EBF2: variants seen among roughly 807,000 people sequenced by gnomAD.
EBF2 encodes transcription factor COE2.
Under a neutral mutation model 72.8 loss-of-function variants are expected in EBF2, and 21 were observed. The observed-to-expected ratio is 0.29, with a 90% CI of 0.20 to 0.42. The LOEUF (loss-of-function observed/expected upper bound fraction) is 0.42. Among genes scored for constraint, EBF2 ranks in the 10% least tolerant of loss-of-function variants. The pLI is 1.00. For synonymous variants in EBF2, 299 were observed against 274.2 expected (o/e 1.09, Z -0.89); for missense variants, 637 against 731.2 (o/e 0.87, Z 1.49).
chr8:26,011,797 C>T (rs911409428), intron 6 of EBF2, among the ~76,000 whole-genome samples: 2 of 152,034 alleles, frequency 1.3e-5, no homozygotes, highest in Admixed American at 1.3e-4. Flanking sequence ...ATAGAATTTA[C>T]TTGAACTTTT....
chr8:25,897,984 A>G (rs1339844012), intron 7 of EBF2, among the ~76,000 whole-genome samples: 1 of 152,134 alleles, frequency 6.6e-6, no homozygotes, highest in African/African-American at 2.4e-5. Flanking sequence ...TCCATCAGTC[A>G]CTGGGTATTT....
chr8:26,002,512 G>T (rs1001943384), intron 6 of EBF2, among the ~76,000 whole-genome samples: 3 of 152,190 alleles, frequency 2.0e-5, no homozygotes, highest in African/African-American at 7.2e-5. Flanking sequence ...AGGGCCCGGG[G>T]CTGAGCACTT....
rs1488076392 is a variant in EBF2, at chr8:26,044,943, G to T, written c.-84C>A. The T allele has an allele frequency of 4.1e-6, 6 of 1,475,686 alleles. No individual in the cohort carries two copies. The highest frequency in any genetic ancestry group is 1.4e-5 in the African/African-American group (1 of 71,618). 91.4% of individuals were successfully genotyped at this position (1,475,686 alleles called of 1,614,324 possible). ...CTGTTCCCAACGTTGCCAGCAAATC[G>T]TCTCCTCCAAAGCAATCCAAGAAAA... On this transcript the variant is annotated 5_prime_UTR_variant, in exon 1 of 16. Coordinates refer to ENST00000520164, the MANE Select transcript of EBF2 (RefSeq NM_022659.4). This position sits in a 1 kb window ranked among gnomAD's most constrained non-coding sequence, Gnocchi z 4.1.
At chr8:25,897,417 T>C (rs1487037281) in intron 7 of EBF2, among the ~76,000 whole-genome samples, 1 of 151,944 alleles carries the variant, frequency 6.6e-6, no homozygotes, top group Non-Finnish European at 1.5e-5. Flanking sequence ...ATTACACGAG[T>C]ATGTTGTGTG....
intron 6 of EBF2, among the ~76,000 whole-genome samples, chr8:26,030,439 G>T (rs191968148): frequency 0.011 from 1,731 of 152,138 alleles, 81 homozygotes; most frequent in Admixed American, 0.071. Context: ...GTGGGGGAAG[G>T]GGGGAGGGAG....
chr8:26,029,309 G>T (rs1805354757), intron 6 of EBF2, among the ~76,000 whole-genome samples: 1 of 152,192 alleles, frequency 6.6e-6, no homozygotes, highest in African/African-American at 2.4e-5. Flanking sequence ...TGGTAACACT[G>T]ATTATCTCAT....
chr8:25,916,605 G>T (rs531327093), intron 6 of EBF2, among the ~76,000 whole-genome samples: 1 of 151,924 alleles, frequency 6.6e-6, no homozygotes, highest in East Asian at 1.9e-4. Flanking sequence ...TACACTGGAA[G>T]AACTTCCCTT....
intron 6 of EBF2, among the ~76,000 whole-genome samples, chr8:26,020,560 G>A (rs1202253157): frequency 6.6e-6 from 1 of 152,202 alleles, no homozygotes; most frequent in Non-Finnish European, 1.5e-5. Flanking sequence ...CACTAGAAAT[G>A]CAGGGCAATG....
chr8:25,955,444 C>G (rs970654296), intron 6 of EBF2, among the ~76,000 whole-genome samples: 3 of 152,050 alleles, frequency 2.0e-5, no homozygotes, highest in Non-Finnish European at 2.9e-5. Flanking sequence ...TTGTGAGACT[C>G]TAAGCATTTT....
chr8:25,984,127 T>G (rs1011579916), intron 6 of EBF2, among the ~76,000 whole-genome samples: 4 of 152,144 alleles, frequency 2.6e-5, no homozygotes. Flanking sequence ...GTGTGTAAAC[T>G]AGAATCCAAA....
chr8:25,869,877 G>A (rs1380200262), intron 10 of EBF2, among the ~76,000 whole-genome samples: 1 of 152,106 alleles, frequency 6.6e-6, no homozygotes, highest in Non-Finnish European at 1.5e-5. Flanking sequence ...CTACAATGTG[G>A]GTTTTATCCC....
intron 6 of EBF2, among the ~76,000 whole-genome samples, chr8:26,002,494 C>A (rs1337408943): frequency 6.6e-6 from 1 of 152,208 alleles, no homozygotes; most frequent in Non-Finnish European, 1.5e-5. Flanking sequence ...AGCGCCAGTT[C>A]TTCGGCAAGG....
At chr8:25,875,669 A>T (rs1401856501) in intron 10 of EBF2, among the ~76,000 whole-genome samples, 1 of 152,182 alleles carries the variant, frequency 6.6e-6, no homozygotes, top group South Asian at 2.1e-4. Flanking sequence ...AAGAGCAAGC[A>T]TTACTATTGT....
At chr8:25,849,022 C>A (rs975548425) in intron 15 of EBF2, among the ~76,000 whole-genome samples, 1 of 152,134 alleles carries the variant, frequency 6.6e-6, no homozygotes, top group African/African-American at 2.4e-5. Context: ...AACCACTGGT[C>A]TTTGATGAAA....
intron 6 of EBF2, among the ~76,000 whole-genome samples, chr8:25,991,712 G>T (rs1293963580): frequency 6.6e-6 from 1 of 152,102 alleles, no homozygotes; most frequent in Non-Finnish European, 1.5e-5. Flanking sequence ...CACGCATGGT[G>T]GCGGGCACCT....
chr8:25,906,171 C>T (rs1015598015), intron 7 of EBF2, among the ~76,000 whole-genome samples: 26 of 152,278 alleles, frequency 1.7e-4, no homozygotes, highest in African/African-American at 6.3e-4. Flanking sequence ...ATGGAAGCCT[C>T]TTCACATTTA....
chr8:26,029,686 G>T (rs1383611817), intron 6 of EBF2, among the ~76,000 whole-genome samples: 1 of 152,300 alleles, frequency 6.6e-6, no homozygotes, highest in African/African-American at 2.4e-5. Context: ...GTGAGAAGGG[G>T]GAGGAGATAA....
chr8:26,036,357 C>T (rs1805500594), intron 5 of EBF2, among the ~76,000 whole-genome samples: 1 of 152,136 alleles, frequency 6.6e-6, no homozygotes, highest in Non-Finnish European at 1.5e-5. Flanking sequence ...CCTCCATTTT[C>T]CAACAGTAAC....
At chr8:26,001,259 T>C (rs1250562077) in intron 6 of EBF2, among the ~76,000 whole-genome samples, 1 of 151,662 alleles carries the variant, frequency 6.6e-6, no homozygotes, top group Non-Finnish European at 1.5e-5. Flanking sequence ...GACCAGCTCC[T>C]GCCTTCAAAA....
Sources: allele counts gnomAD v4.1 joint callset (sites outside exome capture counted in the v4.1 genomes callset), GRCh38; gene constraint gnomAD v4.1.1; non-coding constraint Gnocchi (gnomAD v3.1); transcripts MANE v1.5; gene names NCBI Gene and HGNC (gene_info 2026-07-23, HGNC 2026-07-21).